Variants in ZNF33B observed in about 807,000 individuals in gnomAD.
ZNF33B encodes zinc finger protein 11b (KOX 2).
Under a neutral mutation model 45.8 loss-of-function variants are expected in ZNF33B, and 29 were observed. The ratio of observed to expected loss-of-function variants is 0.63; its 90% CI spans 0.47 to 0.86. The LOEUF is 0.86. Among genes scored for constraint, ZNF33B ranks in the 40% least tolerant of loss-of-function variants. The pLI is 0.00. For missense variants in ZNF33B, 831 were observed against 909.9 expected, an observed-to-expected ratio of 0.91 and a Z score of 1.12; for synonymous variants, 305 against 307.8, an observed-to-expected ratio of 0.99 and a Z score of 0.10.
At chr10:42,603,621 A>G (rs1436972730) in intron 4 of ZNF33B, among the ~76,000 whole-genome samples, 5 of 152,224 alleles carry the variant, frequency 3.3e-5, no homozygotes, top group African/African-American at 1.2e-4. Context: ...AGCCTCAAAG[A>G]CAGCCCTCTA....
chr10:42,624,059 T>C (rs1227891409), intron 4 of ZNF33B, among the ~76,000 whole-genome samples: 2 of 152,220 alleles, frequency 1.3e-5, no homozygotes. Context: ...CAGGGCCTGG[T>C]GAGGGCCTCT....
chr10:42,637,091 T>C, intron 1 of ZNF33B, 119 bp from the exon 2 acceptor site: 3 of 909,760 alleles, frequency 3.3e-6, no homozygotes, highest in Non-Finnish European at 5.2e-6. Flanking sequence ...TCTGGGAGAA[T>C]ATCAATGTCC....
At chr10:42,578,360 C>G (rs1394523461) in intron 1 of ZNF33B, 3 of 152,772 alleles carry the variant, frequency 2.0e-5, no homozygotes, top group East Asian at 3.9e-4. Flanking sequence ...GTGGCATACA[C>G]CCTACTCCTC....
At chr10:42,620,814 C>T (rs1276078817) in intron 4 of ZNF33B, among the ~76,000 whole-genome samples, 1 of 151,888 alleles carries the variant, frequency 6.6e-6, no homozygotes, top group African/African-American at 2.4e-5. Flanking sequence ...ATGAAAATAG[C>T]CACCAAAAGA....
chr10:42,589,377 T>C lies in ZNF33B; in HGVS notation c.*3236A>G, dbSNP rs1354592560. On this transcript the variant is annotated 3_prime_UTR_variant, in exon 5 of 5. Coordinates refer to ENST00000359467, the MANE Select transcript of ZNF33B (RefSeq NM_006955.3). ...TGTGTTTTCCGTTCACTGTTTTCCA[T>C]TCTCTGCATTTTGACAAATTACAGT... 2 of 152,144 alleles carry C rather than the reference T, an allele frequency of 1.3e-5. No individual in the cohort carries two copies. Among genetic ancestry groups the C allele is most frequent in the Admixed American group, 1.3e-4 (2 of 15,282 alleles). The allele number at this position is 152,144 out of a possible 1,614,324, so 9.4% of individuals were successfully genotyped here.
At chr10:42,617,207 G>A (rs777076544) in intron 4 of ZNF33B, among the ~76,000 whole-genome samples, 10 of 138,342 alleles carry the variant, frequency 7.2e-5, no homozygotes, top group African/African-American at 1.3e-4. Flanking sequence ...GGGCTTAAGC[G>A]ATCCTCCCAC....
At chr10:42,611,021 C>T (rs1838075710) in intron 4 of ZNF33B, among the ~76,000 whole-genome samples, 2 of 152,078 alleles carry the variant, frequency 1.3e-5, no homozygotes, top group African/African-American at 2.4e-5. Flanking sequence ...TAATTTTCAA[C>T]AATGATGCCA....
At chr10:42,629,992 CTACA>C (rs1838977392) in intron 4 of ZNF33B, among the ~76,000 whole-genome samples, 1 of 152,168 alleles carries the variant, frequency 6.6e-6, no homozygotes, top group African/African-American at 2.4e-5. Flanking sequence ...AGTGTTTCCC[CTACA>C]TACAGAGCAT....
chr10:42,629,927 T>C (rs963818000), intron 4 of ZNF33B, among the ~76,000 whole-genome samples: 1 of 152,216 alleles, frequency 6.6e-6, no homozygotes, highest in African/African-American at 2.4e-5. Flanking sequence ...ATGTACCAAG[T>C]TTCATTCCAC....
chr10:42,625,819 G>A (rs1838783945), intron 4 of ZNF33B, among the ~76,000 whole-genome samples: 1 of 152,218 alleles, frequency 6.6e-6, no homozygotes. Context: ...TACATATACA[G>A]TCATGTCATG....
Position 42,592,172 on chromosome 10 carries a change from C to T in ZNF33B, c.*441G>A. The T allele has an allele frequency of 5.0e-6, 1 of 199,230 alleles. No individual in the cohort carries two copies. Among genetic ancestry groups the T allele is most frequent in the Non-Finnish European group, 9.2e-6 (1 of 108,730 alleles). The allele number at this position is 199,230 out of a possible 1,614,324, so 12.3% of individuals were successfully genotyped here. A position where few individuals can be genotyped will look rare whatever the true frequency, so the allele number is the denominator to read the frequency against. Reference sequence around the variant, plus strand: ...AAAAAATTCTTAAAGCTTTACATTCCACAATGTACATCTATAAATTATTGT... The same window carrying T: ...AAAAAATTCTTAAAGCTTTACATTCTACAATGTACATCTATAAATTATTGT... On this transcript the variant is annotated 3_prime_UTR_variant, in exon 5 of 5. Transcript: ENST00000359467.
intron 1 of ZNF33B, among the ~76,000 whole-genome samples, chr10:42,637,819 CTTTTAGTAT>C (rs1344346924): frequency 6.6e-6 from 1 of 152,014 alleles, no homozygotes; most frequent in Non-Finnish European, 1.5e-5. Context: ...CGCATGGCTA[CTTTTAGTAT>C]TTTTAGTAGA....
At chr10:42,581,136 C>T (rs971790427) in intron 1 of ZNF33B, among the ~76,000 whole-genome samples, 4 of 152,042 alleles carry the variant, frequency 2.6e-5, no homozygotes, top group African/African-American at 9.7e-5. Flanking sequence ...GACGTATTTC[C>T]TTTTCTTTAT....
At chr10:42,581,500 G>A (rs1393455196) in intron 1 of ZNF33B, 1 of 149,954 alleles carries the variant, frequency 6.7e-6, no homozygotes, top group Non-Finnish European at 1.5e-5. Flanking sequence ...GTGTGTCCAC[G>A]GGAAGACATG....
chr10:42,583,359 T>C (rs1836861870), intron 1 of ZNF33B: 2 of 382,968 alleles, frequency 5.2e-6, no homozygotes, highest in Non-Finnish European at 1.0e-5. Flanking sequence ...CAAACAGGCA[T>C]TCCAGAATCC....
intron 1 of ZNF33B, chr10:42,583,220 C>G (rs1157347122): frequency 7.3e-6 from 5 of 684,962 alleles, no homozygotes; most frequent in Non-Finnish European, 1.4e-5. Context: ...TTGTGTTTTC[C>G]TACAGAATGC....
chr10:42,622,389 AAAG>A (rs1467645435), intron 4 of ZNF33B, among the ~76,000 whole-genome samples: 52 of 152,338 alleles, frequency 3.4e-4, no homozygotes, highest in Admixed American at 3.1e-3. Context: ...CAATTTTTAA[AAAG>A]AAGAACAAAG....
At chr10:42,616,082 T>C (rs1838301784) in intron 4 of ZNF33B, among the ~76,000 whole-genome samples, 1 of 151,892 alleles carries the variant, frequency 6.6e-6, no homozygotes, top group African/African-American at 2.4e-5. Flanking sequence ...GGCATGCAAC[T>C]GTAATCCCAG....
downstream of ZNF33B, chr10:42,588,997 A>G (rs1434771954): frequency 6.0e-6 from 1 of 166,324 alleles, no homozygotes; most frequent in Non-Finnish European, 1.2e-5. Context: ...AAAATATATC[A>G]AGGATGTATA....
Sources: allele counts gnomAD v4.1 joint callset (sites outside exome capture counted in the v4.1 genomes callset), GRCh38; gene constraint gnomAD v4.1.1; transcripts MANE v1.5; gene names NCBI Gene and HGNC (gene_info 2026-07-23, HGNC 2026-07-21).